LRRIQ3: variants seen among roughly 807,000 people sequenced by gnomAD.
LRRIQ3 encodes leucine rich repeats and IQ motif containing 3.
Under a neutral mutation model 59.3 loss-of-function variants are expected in LRRIQ3, and 75 were observed. The ratio of observed to expected loss-of-function variants is 1.26; its 90% confidence interval spans 1.05 to 1.53. LRRIQ3 has a LOEUF of 1.53. LRRIQ3 is among the 40% of genes most tolerant of loss of function. LRRIQ3 has a pLI of 0.00. For missense variants in LRRIQ3, 831 were observed against 710.0 expected, an observed-to-expected ratio of 1.17 and a Z score of -1.94; for synonymous variants, 250 against 231.3, an observed-to-expected ratio of 1.08 and a Z score of -0.73.
At chr1:74,113,397 T>C (rs1284318584) in intron 4 of LRRIQ3, among the ~76,000 whole-genome samples, 1 of 151,840 alleles carries the variant, frequency 6.6e-6, no homozygotes, top group Non-Finnish European at 1.5e-5. Context: ...TAAAACTTGA[T>C]TTTGAAAAAT....
chr1:74,128,365 A>C (rs1036374065), intron 4 of LRRIQ3, among the ~76,000 whole-genome samples: 1 of 152,018 alleles, frequency 6.6e-6, no homozygotes, highest in African/African-American at 2.4e-5. Context: ...CTACTTCATT[A>C]ATTCTTCTGG....
chr1:74,063,312 T>C (rs939312504), intron 6 of LRRIQ3, among the ~76,000 whole-genome samples: 8 of 152,110 alleles, frequency 5.3e-5, no homozygotes, highest in African/African-American at 1.7e-4. Flanking sequence ...TAACGTGGTA[T>C]ACTTGTATAT....
chr1:74,126,625 G>T (rs1646939597), intron 4 of LRRIQ3, among the ~76,000 whole-genome samples: 1 of 151,794 alleles, frequency 6.6e-6, no homozygotes, highest in Non-Finnish European at 1.5e-5. Context: ...TCATTCAGGA[G>T]CATATTGTTT....
chr1:74,080,903 C>A (rs965710645), intron 5 of LRRIQ3, among the ~76,000 whole-genome samples: 1 of 151,480 alleles, frequency 6.6e-6, no homozygotes, highest in African/African-American at 2.4e-5. Flanking sequence ...TAGAGTAGCA[C>A]TTGGACTCTG....
intron 3 of LRRIQ3, among the ~76,000 whole-genome samples, chr1:74,167,104 T>C (rs901214957): frequency 6.6e-6 from 1 of 151,988 alleles, no homozygotes; most frequent in African/African-American, 2.4e-5. Context: ...CCTGGTTATC[T>C]ATCCAGAGGA....
chr1:74,052,580 T>C (rs946500134), intron 6 of LRRIQ3, among the ~76,000 whole-genome samples: 1 of 152,146 alleles, frequency 6.6e-6, no homozygotes, highest in African/African-American at 2.4e-5. Flanking sequence ...TAGACATCTC[T>C]AATATCCTCA....
intron 4 of LRRIQ3, among the ~76,000 whole-genome samples, chr1:74,113,583 A>G (rs1227376135): frequency 6.6e-6 from 1 of 152,090 alleles, no homozygotes; most frequent in Non-Finnish European, 1.5e-5. Context: ...CTCTCTTATG[A>G]GAAACAATGG....
intron 4 of LRRIQ3, among the ~76,000 whole-genome samples, chr1:74,151,712 T>C (rs1647986435): frequency 6.6e-6 from 1 of 152,112 alleles, no homozygotes; most frequent in Non-Finnish European, 1.5e-5. Flanking sequence ...CAAAACTCTC[T>C]TACAGGTCAA....
rs1443067887 is a variant in LRRIQ3 at position 74,071,030 on chromosome 1, T to TAC, written c.997+3630_997+3631insGT. On this transcript the variant is annotated intron_variant, in intron 6 of 7. Transcript: ENST00000354431. ...TCTTTGCTATATATACATATATATATATACACACACACACACATACACACA... is the reference window on the plus strand; with the variant it reads ...TCTTTGCTATATATACATATATATATACATACACACACACACACATACACACA... Among the ~76,000 whole-genome samples the TAC allele has an allele frequency of 4.0e-3, 584 of 146,252 alleles. 4 individuals carry two copies. Among genetic ancestry groups the TAC allele is most frequent in the African/African-American group, 0.013 (531 of 40,420 alleles).
chr1:74,109,348 A>G (rs1646657442), intron 5 of LRRIQ3, 46 bp downstream of exon 5: 2 of 1,274,930 alleles, frequency 1.6e-6, no homozygotes, highest in Non-Finnish European at 2.2e-6. Context: ...TAACTTTAAT[A>G]TCTTAAATAC....
At chr1:74,190,942 TTC>T (rs1650725860) in intron 1 of LRRIQ3, among the ~76,000 whole-genome samples, 2 of 152,146 alleles carry the variant, frequency 1.3e-5, no homozygotes, top group African/African-American at 4.8e-5. Context: ...TTGGTTCTCA[TTC>T]TCTCTTGTCT....
In LRRIQ3 at chr1:74,026,245, G is replaced by T. The variant is rs1013667394; in HGVS notation, c.*568C>A. ...AAAAATCTTACAGTCTTCAAGGAAG[G>T]TGATAAGAATGTTTAATTTACTTTT... On this transcript the variant is annotated 3_prime_UTR_variant, in exon 8 of 8. Coordinates refer to ENST00000354431, the MANE Select transcript of LRRIQ3 (RefSeq NM_001105659.2). 1 of 152,040 alleles carries T rather than the reference G, an allele frequency of 6.6e-6. No individual in the cohort carries two copies. The highest frequency in any genetic ancestry group is 2.4e-5 in the African/African-American group (1 of 41,402). 9.4% of individuals were successfully genotyped at this position (152,040 alleles called of 1,614,324 possible).
At chr1:74,195,758 C>T (rs1651074479) in intron 1 of LRRIQ3, among the ~76,000 whole-genome samples, 1 of 152,120 alleles carries the variant, frequency 6.6e-6, no homozygotes, top group Non-Finnish European at 1.5e-5. Context: ...AATTAATGGG[C>T]TTACAGCTTG....
chr1:74,145,973 A>G (rs1647542116), intron 4 of LRRIQ3, among the ~76,000 whole-genome samples: 1 of 152,144 alleles, frequency 6.6e-6, no homozygotes, highest in Non-Finnish European at 1.5e-5. Flanking sequence ...CCATGAAATT[A>G]TACTACCGTA....
chr1:74,055,211 T>TATAC (rs1491233534), intron 6 of LRRIQ3, among the ~76,000 whole-genome samples: 37 of 127,684 alleles, frequency 2.9e-4, no homozygotes, highest in African/African-American at 9.4e-4. Context: ...TATATATATA[T>TATAC]ACACACACAT....
At chr1:74,178,382 T>C (rs1442999193) in intron 3 of LRRIQ3, among the ~76,000 whole-genome samples, 1 of 152,106 alleles carries the variant, frequency 6.6e-6, no homozygotes, top group African/African-American at 2.4e-5. Context: ...TTTTATCTTT[T>C]GTATTTTTTG....
chr1:74,134,183 C>A (rs898008264), intron 4 of LRRIQ3, among the ~76,000 whole-genome samples: 1 of 151,936 alleles, frequency 6.6e-6, no homozygotes, highest in Admixed American at 6.6e-5. Flanking sequence ...AATTGTAAAA[C>A]TGAACAAAAT....
At chr1:74,029,493 A>G (rs562771132) in intron 7 of LRRIQ3, among the ~76,000 whole-genome samples, 2 of 152,120 alleles carry the variant, frequency 1.3e-5, no homozygotes, top group South Asian at 4.1e-4. Flanking sequence ...TATATGCTGG[A>G]TTACGTTTAT....
chr1:74,104,861 T>C lies in LRRIQ3; in HGVS notation c.867+4533A>G, dbSNP rs188778936. On this transcript the variant is annotated intron_variant, in intron 5 of 7. Coordinates refer to ENST00000354431, the MANE Select transcript of LRRIQ3 (RefSeq NM_001105659.2). ...TGTCAGTATGGGTCCATCTATTTAA[T>C]AAATTTACCACTGTGGTGTAGGATG... is the stretch of plus-strand genomic sequence containing the variant. Among the ~76,000 whole-genome samples the C allele has an allele frequency of 1.2e-3, 184 of 152,138 alleles. 1 individual carries two copies. Among genetic ancestry groups the C allele is most frequent in the African/African-American group, 4.4e-3 (181 of 41,566 alleles).
Sources: allele counts gnomAD v4.1 joint callset (sites outside exome capture counted in the v4.1 genomes callset), GRCh38; gene constraint gnomAD v4.1.1; transcripts MANE v1.5; gene names NCBI Gene and HGNC (gene_info 2026-07-23, HGNC 2026-07-21).